Variants in ABHD5 observed in about 807,000 individuals in gnomAD.
ABHD5 encodes the protein abhydrolase domain containing 5, lysophosphatidic acid acyltransferase, also known as 1-acylglycerol-3-phosphate O-acyltransferase ABHD5.
A neutral mutation model predicts 44.9 loss-of-function variants in ABHD5; 30 were observed. That is an observed-to-expected ratio of 0.67 (90% CI 0.50 to 0.91). ABHD5 has a LOEUF of 0.91. Among genes scored for constraint, ABHD5 ranks in the 40% least tolerant of loss-of-function variants. ABHD5 has a pLI of 0.00. For synonymous variants in ABHD5, 167 were observed against 147.0 expected (o/e 1.14, Z -0.99); for missense variants, 399 against 423.4 (o/e 0.94, Z 0.50).
chr3:43,715,808 C>G (rs1283113878), intron 5 of ABHD5, among the ~76,000 whole-genome samples: 1 of 152,158 alleles, frequency 6.6e-6, no homozygotes, highest in Non-Finnish European at 1.5e-5. Context: ...AAATGATTGT[C>G]TATACTATGA....
In ABHD5 at chr3:43,691,022, T is replaced by C; in HGVS notation, c.30T>C (p.Ser10=). The C allele has an allele frequency of 5.8e-6, 9 of 1,563,932 alleles. No individual in the cohort carries two copies. The highest frequency in any genetic ancestry group is 6.9e-6 in the Non-Finnish European group (8 of 1,157,628). ...CGGCGGAGGAGGAGGAGGTGGACTC[T>C]GCCGACACCGGAGAGAGGTAAGCGC... is the stretch of plus-strand genomic sequence containing the variant. MAAEEEEVD[S]ADTGERSGWL... The change falls in exon 1 of 7, where the codon TCT becomes TCC. Residue 10 remains serine, a synonymous_variant. Transcript: ENST00000644371.
chr3:43,733,642 T>C (rs944054290), intron 7 of ABHD5, among the ~76,000 whole-genome samples: 40 of 152,360 alleles, frequency 2.6e-4, no homozygotes, highest in African/African-American at 9.4e-4. Context: ...CGCAGTAATT[T>C]ACATTTGAGT....
chr3:43,690,985 C>T lies in ABHD5; in HGVS notation c.-8C>T, dbSNP rs761573163. 21 of 1,572,646 alleles carry T rather than the reference C, an allele frequency of 1.3e-5. No homozygotes were observed. The Middle Eastern group carries it at 8.4e-4, about 63-fold the overall frequency. On this transcript the variant is annotated 5_prime_UTR_variant, in exon 1 of 7. Transcript: ENST00000644371. The stretch of plus-strand genomic sequence containing the variant: ...GAGATAAGTCCCGGCGCTTGCGCGG[C>T]GGCGGCTATGGCGGCGGAGGAGGAG...
rs150575861 is a variant in ABHD5 at position 43,729,564 on chromosome 3, T to C, written c.*30-4316T>C. On this transcript the variant is annotated intron_variant, in intron 7 of 7. Transcript: ENST00000454293. ...GGAAAATATTCTCTTTAGAGTTCTT[T>C]GTATTTCTTTCTTCATAGTGTTGCC... Among the ~76,000 whole-genome samples the C allele has an allele frequency of 3.1e-3, 477 of 152,346 alleles. 2 individuals carry two copies. Among genetic ancestry groups the C allele is most frequent in the African/African-American group, 0.011 (459 of 41,580 alleles).
intron 1 of ABHD5, 120 bp from the exon 2 acceptor site, chr3:43,699,156 T>C (rs2084508884): frequency 3.5e-6 from 3 of 851,936 alleles, no homozygotes; most frequent in South Asian, 1.4e-5. Flanking sequence ...TTGTCACACA[T>C]AGCTTTACCA....
chr3:43,713,713 A>G (rs565809783), intron 4 of ABHD5, among the ~76,000 whole-genome samples: 1 of 152,352 alleles, frequency 6.6e-6, no homozygotes, highest in Admixed American at 6.5e-5. Context: ...GTCCTGAAAT[A>G]TAAATAGATT....
chr3:43,692,733 T>C (rs1396545314), intron 1 of ABHD5, among the ~76,000 whole-genome samples: 1 of 152,164 alleles, frequency 6.6e-6, no homozygotes, highest in Non-Finnish European at 1.5e-5. Context: ...TGCCAGCAAG[T>C]AGCAGGGCTG....
intron 1 of ABHD5, 128 bp from the exon 2 acceptor site, chr3:43,699,148 G>T: frequency 2.5e-6 from 2 of 803,992 alleles, no homozygotes; most frequent in East Asian, 2.6e-5. Flanking sequence ...GGTCACTTTT[G>T]TCACACATAG....
chr3:43,691,171 C>G (rs1463951731), intron 1 of ABHD5, 132 bp downstream of exon 1: 10 of 914,204 alleles, frequency 1.1e-5, no homozygotes, highest in Non-Finnish European at 1.5e-5. Flanking sequence ...CTCGACCCTC[C>G]CCGGCATGAG....
intron 3 of ABHD5, among the ~76,000 whole-genome samples, chr3:43,706,715 C>T (rs891686462): frequency 3.9e-5 from 6 of 152,212 alleles, no homozygotes; most frequent in East Asian, 1.9e-4. Flanking sequence ...CCAAAACTGC[C>T]GGGATTACAG....
At chr3:43,699,164 C>T (rs557930837) in intron 1 of ABHD5, 112 bp from the exon 2 acceptor site, 26 of 906,216 alleles carry the variant, frequency 2.9e-5, no homozygotes, top group Non-Finnish European at 4.2e-5. Flanking sequence ...CATAGCTTTA[C>T]CATCACACAG....
At chr3:43,725,988 C>A (rs1037286173), downstream of ABHD5, among the ~76,000 whole-genome samples, 3 of 152,004 alleles carry the variant, frequency 2.0e-5, no homozygotes, top group African/African-American at 7.3e-5. Context: ...GCCTCAGCCT[C>A]CCAAGTAGCT....
At chr3:43,697,302 T>C (rs1364823080) in intron 1 of ABHD5, among the ~76,000 whole-genome samples, 2 of 152,214 alleles carry the variant, frequency 1.3e-5, no homozygotes, top group African/African-American at 2.4e-5. Context: ...GTCTGTGATA[T>C]CAACTGGAGC....
chr3:43,731,943 C>T (rs1015666678), intron 7 of ABHD5, among the ~76,000 whole-genome samples: 3 of 152,106 alleles, frequency 2.0e-5, no homozygotes, highest in African/African-American at 7.2e-5. Context: ...GCGCCCCATG[C>T]AGTTGCACAG....
downstream of ABHD5, among the ~76,000 whole-genome samples, chr3:43,726,054 CAG>C (rs2084875840): frequency 6.6e-6 from 1 of 152,034 alleles, no homozygotes; most frequent in South Asian, 2.1e-4. Context: ...TTAGTAGAGA[CAG>C]GGTTTCACCG....
At position 43,719,647 on chromosome 3, in the gene ABHD5, A is replaced by G. The variant is rs985356129; in HGVS notation, c.*1115A>G. On this transcript the variant is annotated 3_prime_UTR_variant, in exon 7 of 7. Transcript: ENST00000644371. Reference sequence around the variant, plus strand: ...AAAATTCTAGAAGGTTGATTGAACTATTTTTTTAGGAACTACCATCAAGTG... The same window carrying G: ...AAAATTCTAGAAGGTTGATTGAACTGTTTTTTTAGGAACTACCATCAAGTG... 1.3e-5 allele frequency: 2 copies of G among 152,126 alleles called. No homozygotes were observed. The highest frequency in any genetic ancestry group is 1.5e-5 in the Non-Finnish European group (1 of 68,006). The allele number at this position is 152,126 out of a possible 1,614,324, so 9.4% of individuals were successfully genotyped here.
intron 4 of ABHD5, among the ~76,000 whole-genome samples, chr3:43,714,137 CTTTTTTTTTT>C (rs542982546): frequency 7.3e-6 from 1 of 136,890 alleles, no homozygotes; most frequent in Non-Finnish European, 1.6e-5. Flanking sequence ...TTCTTTTTTT[CTTTTTTTTTT>C]TTTTTGAGAC....
chr3:43,709,818 G>T lies in ABHD5; in HGVS notation c.507-1891G>T, dbSNP rs148303946. 8.9e-3 allele frequency among the ~76,000 whole-genome samples: 1,348 copies of T among 152,266 alleles called. 10 individuals are homozygous for T. The highest frequency in any genetic ancestry group is 0.017 in the Middle Eastern group (5 of 294). On this transcript the variant is annotated intron_variant, in intron 3 of 6. Coordinates refer to ENST00000644371, the MANE Select transcript of ABHD5 (RefSeq NM_016006.6). ...CCAGCACTGTGGGAGGCCAAGGTGGGCAGATCACGAGGTCAGGAGTTCGAG... is the reference window on the plus strand; with the variant it reads ...CCAGCACTGTGGGAGGCCAAGGTGGTCAGATCACGAGGTCAGGAGTTCGAG...
intron 1 of ABHD5, 193 bp downstream of exon 1, chr3:43,691,232 C>T (rs919908457): frequency 1.3e-5 from 6 of 474,962 alleles, no homozygotes; most frequent in Non-Finnish European, 2.0e-5. Flanking sequence ...GGGAGAGGCT[C>T]CCCTCAGCGT....
Sources: gnomAD v4.1 joint callset for allele counts (sites outside exome capture counted in the v4.1 genomes callset) on GRCh38, gnomAD v4.1.1 for gene constraint, MANE v1.5 for transcripts, NCBI Gene and HGNC (gene_info 2026-07-23, HGNC 2026-07-21) for gene names.